OPCML: variants seen among roughly 807,000 people sequenced by gnomAD.
OPCML encodes the protein opioid binding protein/cell adhesion molecule like.
Under a neutral mutation model 37.8 loss-of-function variants are expected in OPCML, and 13 were observed. The observed-to-expected ratio is 0.34, with a 90% CI of 0.22 to 0.55. The LOEUF (loss-of-function observed/expected upper bound fraction) is 0.55. Ranked by LOEUF, OPCML falls within the 20% of genes least tolerant of loss-of-function variation. OPCML has a pLI of 0.91. For missense variants in OPCML, 341 were observed against 435.6 expected, an observed-to-expected ratio of 0.78 and a Z score of 1.93; for synonymous variants, 176 against 168.8, an observed-to-expected ratio of 1.04 and a Z score of -0.33.
intron 2 of OPCML, among the ~76,000 whole-genome samples, chr11:132,762,242 C>T (rs1946290205): frequency 6.6e-6 from 1 of 152,208 alleles, no homozygotes; most frequent in Non-Finnish European, 1.5e-5. Context: ...TATGAGGTGT[C>T]TTTCAACCCC....
At chr11:132,603,719 A>T (rs970167264) in intron 3 of OPCML, among the ~76,000 whole-genome samples, 3 of 152,156 alleles carry the variant, frequency 2.0e-5, no homozygotes, top group Admixed American at 2.0e-4. Context: ...ATCTAATCTC[A>T]TGCTTGCAAA....
At position 132,937,551 on chromosome 11, in the gene OPCML, AGTGTGTGTGTGTC is replaced by A. The variant is rs1225303263; in HGVS notation, c.146+5362_146+5374del. Among the ~76,000 whole-genome samples, 27 of 110,262 alleles carry A rather than the reference AGTGTGTGTGTGTC, an allele frequency of 2.4e-4. 1 individual carries two copies. The highest frequency in any genetic ancestry group is 4.7e-3 in the Middle Eastern group (1 of 212). The allele number at this position is 110,262 out of a possible 152,430, so 72.3% of individuals were successfully genotyped here. ...TGGTGTGTGTGGTGTGTGTGTGTGG[AGTGTGTGTGTGTC>A]GTGTGTGTGTGGTGTGTGTGGCGTG... On this transcript the variant is annotated intron_variant, in intron 2 of 7. Transcript: ENST00000524381.
intron 1 of OPCML, among the ~76,000 whole-genome samples, chr11:133,167,599 G>T (rs1950227798): frequency 6.6e-6 from 1 of 151,502 alleles, no homozygotes; most frequent in Non-Finnish European, 1.5e-5. Flanking sequence ...TCAATATCAG[G>T]GTTTTCCCAA....
At chr11:132,479,685 G>C (rs28790090) in intron 4 of OPCML, among the ~76,000 whole-genome samples, 8,765 of 152,230 alleles carry the variant, frequency 0.058, 332 homozygotes, top group Middle Eastern at 0.092. Flanking sequence ...TCTGAGAACA[G>C]GCAGACTGCC....
chr11:132,668,311 C>T (rs1450083017), intron 2 of OPCML, among the ~76,000 whole-genome samples: 1 of 152,158 alleles, frequency 6.6e-6, no homozygotes, highest in Non-Finnish European at 1.5e-5. Context: ...ATAAATCGAG[C>T]ATTATAGAGA....
chr11:133,024,409 G>A, intron 1 of OPCML: 1 of 985,264 alleles, frequency 1.0e-6, no homozygotes, highest in Non-Finnish European at 1.2e-6. Context: ...GAGAGATTTA[G>A]ACATGGAGGA....
intron 1 of OPCML, among the ~76,000 whole-genome samples, chr11:133,497,072 C>G (rs1438533214): frequency 6.6e-6 from 1 of 152,104 alleles, no homozygotes; most frequent in Non-Finnish European, 1.5e-5. Flanking sequence ...TAAAGTGTGT[C>G]CCTTGTATGC....
intron 1 of OPCML, among the ~76,000 whole-genome samples, chr11:133,139,157 C>G (rs184266710): frequency 1.5e-3 from 232 of 152,322 alleles, no homozygotes; most frequent in African/African-American, 5.1e-3. Context: ...TATTATGGTG[C>G]TGCTACACTA....
chr11:133,000,471 C>T lies in OPCML; in HGVS notation c.62-57461G>A, dbSNP rs189317335. 2.3e-3 allele frequency among the ~76,000 whole-genome samples: 355 copies of T among 152,292 alleles called. 1 individual carries two copies. The highest frequency in any genetic ancestry group is 8.1e-3 in the African/African-American group (336 of 41,566). ...GTAGTTACAGATGTACCATACAATA[C>T]CCTTGACCAAGCCAAGTACTTAGTA... On this transcript the variant is annotated intron_variant, in intron 1 of 7. Transcript: ENST00000524381.
chr11:133,236,479 TGTAAAAAGTAAAGTAGAG>T (rs549879174), intron 1 of OPCML, among the ~76,000 whole-genome samples: 3,149 of 152,336 alleles, frequency 0.021, 51 homozygotes, highest in Non-Finnish European at 0.031. Context: ...GTATTGTGGG[TGTAAAAAGTAAAGTAGAG>T]GTTCCTTTTC....
In OPCML at chr11:133,177,871, G is replaced by C. The variant is rs1040377029; in HGVS notation, c.62-234861C>G. On this transcript the variant is annotated intron_variant, in intron 1 of 7. Coordinates refer to ENST00000524381, the MANE Select transcript of OPCML (RefSeq NM_001012393.5). The surrounding 1 kb of genome is among the most constrained non-coding windows in gnomAD (Gnocchi z 5.0). ...TTTCATTTACTTCATGAGGAAGAAA[G>C]AGAGGAAAGGAGGCTGACCCAGTGG... Among the ~76,000 whole-genome samples, 2 of 152,202 alleles carry C rather than the reference G, an allele frequency of 1.3e-5. No individual in the cohort carries two copies. Among genetic ancestry groups the C allele is most frequent in the Non-Finnish European group, 2.9e-5 (2 of 68,044 alleles).
intron 1 of OPCML, among the ~76,000 whole-genome samples, chr11:133,165,335 T>C (rs975309435): frequency 6.6e-6 from 1 of 152,098 alleles, no homozygotes; most frequent in African/African-American, 2.4e-5. Context: ...GACTCAGGTA[T>C]ACAGGGTCTG....
chr11:133,214,504 G>T (rs912365858), intron 1 of OPCML, among the ~76,000 whole-genome samples: 1 of 151,956 alleles, frequency 6.6e-6, no homozygotes. Flanking sequence ...AAAAAAAGGC[G>T]AACTGTTGTT....
chr11:133,230,092 G>A (rs1015811115), intron 1 of OPCML, among the ~76,000 whole-genome samples: 15 of 152,086 alleles, frequency 9.9e-5, no homozygotes, highest in South Asian at 4.2e-4. Context: ...TTCCCAATGC[G>A]TCCCACCATG....
rs1316705395 is a variant in OPCML at position 133,064,735 on chromosome 11, G to C, written c.62-121725C>G. On this transcript the variant is annotated intron_variant, in intron 1 of 7. Coordinates refer to ENST00000524381, the MANE Select transcript of OPCML (RefSeq NM_001012393.5). ...GGAAGGGAAGGCTGAGGTCTCCTCTGCCTCCGCAGCCACACGGCCCGGCGC... is the reference window on the plus strand; with the variant it reads ...GGAAGGGAAGGCTGAGGTCTCCTCTCCCTCCGCAGCCACACGGCCCGGCGC... 6 of 152,296 alleles carry C rather than the reference G, an allele frequency of 3.9e-5. No individual in the cohort carries two copies. The East Asian group carries it at 1.2e-3, about 30-fold the overall frequency. 9.4% of individuals were successfully genotyped at this position (152,296 alleles called of 1,614,324 possible). A position where few individuals can be genotyped will look rare whatever the true frequency, so the allele number is the denominator to read the frequency against.
intron 3 of OPCML, among the ~76,000 whole-genome samples, chr11:132,647,625 G>A (rs1941221535): frequency 6.6e-6 from 1 of 152,156 alleles, no homozygotes; most frequent in Non-Finnish European, 1.5e-5. Context: ...TTCATTAAGT[G>A]CAAGTGGATC....
In OPCML at chr11:133,221,206, T is replaced by C. The variant is rs75809519; in HGVS notation, c.62-278196A>G. ...GCTTGGGACAGAGCCGGCCACCGTG[T>C]GTGATGGCACAGTGACAAGGTGATT... On this transcript the variant is annotated intron_variant, in intron 1 of 7. Coordinates refer to ENST00000524381, the MANE Select transcript of OPCML (RefSeq NM_001012393.5). 6.2e-3 allele frequency among the ~76,000 whole-genome samples: 938 copies of C among 152,268 alleles called. 14 individuals carry two copies. Among genetic ancestry groups the C allele is most frequent in the African/African-American group, 0.021 (865 of 41,554 alleles).
chr11:133,368,080 T>A (rs1343185959), intron 1 of OPCML, among the ~76,000 whole-genome samples: 1 of 152,172 alleles, frequency 6.6e-6, no homozygotes. Context: ...CAGGGCTGGT[T>A]ATTATAATTT....
chr11:133,294,211 G>GAATC (rs1942564363), intron 1 of OPCML, among the ~76,000 whole-genome samples: 1 of 151,978 alleles, frequency 6.6e-6, no homozygotes, highest in Admixed American at 6.6e-5. Context: ...GCGGTGTTCT[G>GAATC]CAGAGGCAAA....
Sources: gnomAD v4.1 joint callset for allele counts (sites outside exome capture counted in the v4.1 genomes callset) on GRCh38, gnomAD v4.1.1 for gene constraint, Gnocchi (gnomAD v3.1) non-coding constraint, MANE v1.5 for transcripts, NCBI Gene and HGNC (gene_info 2026-07-23, HGNC 2026-07-21) for gene names.